The following RPS6KA6 variants were observed in gnomAD, a reference collection of about 807,000 sequenced individuals.
RPS6KA6 encodes the protein ribosomal protein S6 kinase alpha-6.
Under a neutral mutation model 65.4 loss-of-function variants are expected in RPS6KA6, and 27 were observed. The ratio of observed to expected loss-of-function variants is 0.41; its 90% confidence interval spans 0.30 to 0.57. RPS6KA6 has a LOEUF of 0.57. Ranked by LOEUF, RPS6KA6 falls within the 20% of genes least tolerant of loss-of-function variation. The pLI is 0.24. For missense variants in RPS6KA6, 486 were observed against 555.6 expected, an observed-to-expected ratio of 0.87 and a Z score of 1.26; for synonymous variants, 190 against 184.2, an observed-to-expected ratio of 1.03 and a Z score of -0.26.
intron 18 of RPS6KA6, among the ~76,000 whole-genome samples, chrX:84,100,605 C>T: frequency 9.1e-6 from 1 of 110,392 alleles, no homozygotes; most frequent in Non-Finnish European, 1.9e-5. Flanking sequence ...TTATGAGGAC[C>T]TTTATGATGA....
intron 20 of RPS6KA6, among the ~76,000 whole-genome samples, chrX:84,075,802 G>A (rs764920153): frequency 9.0e-6 from 1 of 111,669 alleles, no homozygotes; most frequent in Admixed American, 9.5e-5. Flanking sequence ...CAAAAATAAT[G>A]GCAAATATTA....
In RPS6KA6 at chrX:84,059,012, G is replaced by A. The variant is rs1428786873; in HGVS notation, c.*5265C>T. The A allele has an allele frequency of 1.3e-5, 1 of 77,914 alleles. No homozygotes were observed. Among genetic ancestry groups the A allele is most frequent in the Non-Finnish European group, 2.5e-5 (1 of 40,426 alleles). 6.4% of individuals were successfully genotyped at this position (77,914 alleles called of 1,213,427 possible). ...GAAAAACCACCTTCTCCTTTTTTTT[G>A]TACTATGGAATTTAATGCAAGATAA... On this transcript the variant is annotated 3_prime_UTR_variant, in exon 22 of 22. Transcript: ENST00000262752.
chrX:84,181,640 G>C (rs1364518305), intron 1 of RPS6KA6, among the ~76,000 whole-genome samples: 2 of 110,834 alleles, frequency 1.8e-5, no homozygotes, highest in Admixed American at 9.6e-5. Context: ...TGCATCATAA[G>C]CATCTGGGGA....
chrX:84,183,282 T>A (rs1317955930), intron 1 of RPS6KA6, among the ~76,000 whole-genome samples: 1 of 111,461 alleles, frequency 9.0e-6, no homozygotes, highest in Admixed American at 9.5e-5. Flanking sequence ...TCTAATCAGT[T>A]ACCAAATTGT....
rs1371113534 is a variant in RPS6KA6 at position 84,063,490 on chromosome X, A to G, written c.*787T>C. ...ATTTTCAAAGGCTTAACTATGACCTATTTATAAGATTACACCAACAGTATA... is the reference window on the plus strand; with the variant it reads ...ATTTTCAAAGGCTTAACTATGACCTGTTTATAAGATTACACCAACAGTATA... On this transcript the variant is annotated 3_prime_UTR_variant, in exon 22 of 22. Coordinates refer to ENST00000262752, the MANE Select transcript of RPS6KA6 (RefSeq NM_014496.5). 1 of 111,349 alleles carries G rather than the reference A, an allele frequency of 9.0e-6. No individual in the cohort carries two copies. Among genetic ancestry groups the G allele is most frequent in the African/African-American group, 3.3e-5 (1 of 30,673 alleles). The allele number at this position is 111,349 out of a possible 1,213,427, so 9.2% of individuals were successfully genotyped here.
At chrX:84,112,316 C>T (rs558374264) in intron 12 of RPS6KA6, among the ~76,000 whole-genome samples, 4 of 111,835 alleles carry the variant, frequency 3.6e-5, no homozygotes, top group African/African-American at 1.3e-4. Flanking sequence ...AAACTGGACT[C>T]TAGACCAAAT....
intron 8 of RPS6KA6, among the ~76,000 whole-genome samples, chrX:84,124,204 C>G (rs906552371): frequency 4.5e-5 from 5 of 111,016 alleles, no homozygotes; most frequent in Non-Finnish European, 1.9e-5. Flanking sequence ...GCCCGGAGTC[C>G]AAGACCAAAT....
At chrX:84,178,826 T>C (rs2035806067) in intron 1 of RPS6KA6, among the ~76,000 whole-genome samples, 3 of 110,607 alleles carry the variant, frequency 2.7e-5, no homozygotes, top group African/African-American at 6.6e-5. Flanking sequence ...AAAAAACTTC[T>C]AGAAGAAAAC....
intron 12 of RPS6KA6, among the ~76,000 whole-genome samples, chrX:84,110,163 G>A (rs754873645): frequency 1.8e-5 from 2 of 111,789 alleles, no homozygotes; most frequent in Admixed American, 9.4e-5. Context: ...GGAGATACAC[G>A]GCAGTTGTGG....
chrX:84,179,104 T>C (rs2035810254), intron 1 of RPS6KA6, among the ~76,000 whole-genome samples: 1 of 111,477 alleles, frequency 9.0e-6, no homozygotes, highest in Non-Finnish European at 1.9e-5. Context: ...TTTCAAAAAA[T>C]TTGAAAAGAC....
At chrX:84,179,178 T>A (rs912650819) in intron 1 of RPS6KA6, among the ~76,000 whole-genome samples, 10 of 111,174 alleles carry the variant, frequency 9.0e-5, no homozygotes, top group Non-Finnish European at 1.9e-4. Context: ...GCAACATGTG[T>A]CATTAGGGAA....
intron 6 of RPS6KA6, among the ~76,000 whole-genome samples, chrX:84,141,532 T>G (rs2035103732): frequency 9.1e-6 from 1 of 110,266 alleles, no homozygotes; most frequent in Admixed American, 9.7e-5. Context: ...ACAAAAATAA[T>G]CATATTAAAT....
intron 9 of RPS6KA6, 74 bp from the exon 10 acceptor site, chrX:84,117,528 A>C: frequency 1.6e-6 from 1 of 622,355 alleles, no homozygotes; most frequent in Non-Finnish European, 2.3e-6. Flanking sequence ...CTAGAAAAAA[A>C]CTGAGACTTC....
At chrX:84,129,603 C>T (rs2034858823) in intron 8 of RPS6KA6, among the ~76,000 whole-genome samples, 1 of 111,296 alleles carries the variant, frequency 9.0e-6, no homozygotes, top group African/African-American at 3.3e-5. Context: ...ATCTAAATGC[C>T]CATTGACAGA....
At chrX:84,103,067 C>T (rs1227170200) in intron 17 of RPS6KA6, among the ~76,000 whole-genome samples, 1 of 111,105 alleles carries the variant, frequency 9.0e-6, no homozygotes, top group East Asian at 2.8e-4. Flanking sequence ...ACAAATGAAA[C>T]AATAATAACT....
chrX:84,077,079 T>C (rs1036166920), intron 20 of RPS6KA6, among the ~76,000 whole-genome samples: 1 of 111,588 alleles, frequency 9.0e-6, no homozygotes, highest in African/African-American at 3.2e-5. Context: ...GTATAAAACA[T>C]TGTTGAGAGA....
chrX:84,114,640 TAA>T (rs1252808288), intron 12 of RPS6KA6, among the ~76,000 whole-genome samples: 3 of 111,788 alleles, frequency 2.7e-5, no homozygotes, highest in African/African-American at 9.7e-5. Flanking sequence ...AAAAACAGCC[TAA>T]ATAGCCAAAG....
intron 20 of RPS6KA6, among the ~76,000 whole-genome samples, chrX:84,069,164 T>C (rs1170784136): frequency 1.8e-5 from 2 of 111,862 alleles, no homozygotes; most frequent in Admixed American, 1.9e-4. Flanking sequence ...CTTCAAACTA[T>C]ACTACAAGGC....
At chrX:84,115,100 T>C (rs1388643908) in intron 12 of RPS6KA6, among the ~76,000 whole-genome samples, 1 of 111,605 alleles carries the variant, frequency 9.0e-6, no homozygotes. Context: ...AAAACAAAAG[T>C]AGACAAATTG....
Sources: allele counts gnomAD v4.1 joint callset (sites outside exome capture counted in the v4.1 genomes callset), GRCh38; gene constraint gnomAD v4.1.1; transcripts MANE v1.5; gene names NCBI Gene and HGNC (gene_info 2026-07-23, HGNC 2026-07-21).